The following SLC35F1 variants were observed in gnomAD, a reference collection of about 807,000 sequenced individuals.
The protein encoded by SLC35F1 is solute carrier family 35 member F1.
In SLC35F1, 14 loss-of-function variants were observed where a neutral mutation model predicts 48.7. The ratio of observed to expected loss-of-function variants is 0.29; its 90% CI spans 0.19 to 0.45. The LOEUF (loss-of-function observed/expected upper bound fraction) is 0.45, where lower values mean the gene tolerates loss of function less well. Among genes scored for constraint, SLC35F1 ranks in the 20% least tolerant of loss-of-function variants. The pLI, the probability that SLC35F1 is intolerant of heterozygous loss-of-function variation, is 1.00. For missense variants in SLC35F1, 404 were observed against 500.0 expected (o/e 0.81, Z 1.83); for synonymous variants, 190 against 202.2 (o/e 0.94, Z 0.51).
At chr6:118,143,437 C>T (rs961755717) in intron 1 of SLC35F1, among the ~76,000 whole-genome samples, 1 of 152,158 alleles carries the variant, frequency 6.6e-6, no homozygotes, top group Non-Finnish European at 1.5e-5. Context: ...AGTCAAAGTT[C>T]CTATTTAAAA....
At chr6:118,152,664 T>C (rs1774079377) in intron 1 of SLC35F1, among the ~76,000 whole-genome samples, 1 of 152,176 alleles carries the variant, frequency 6.6e-6, no homozygotes, top group South Asian at 2.1e-4. Flanking sequence ...GCTGTAGAGC[T>C]TTGTAAGGCT....
intron 1 of SLC35F1, among the ~76,000 whole-genome samples, chr6:118,129,727 C>T (rs1773682514): frequency 1.3e-5 from 2 of 152,016 alleles, no homozygotes. Flanking sequence ...GAAGTCCTTA[C>T]CTTAATTTTT....
chr6:118,238,636 A>G (rs1775398092), intron 3 of SLC35F1, among the ~76,000 whole-genome samples: 1 of 151,966 alleles, frequency 6.6e-6, no homozygotes, highest in Non-Finnish European at 1.5e-5. Flanking sequence ...TCTCATGGTC[A>G]TGAGATGGTT....
Position 117,907,678 on chromosome 6 carries a change from A to G in SLC35F1, c.-49A>G. The G allele has an allele frequency of 1.7e-6, 2 of 1,210,174 alleles. No individual in the cohort carries two copies. Among genetic ancestry groups the G allele is most frequent in the African/African-American group, 1.6e-5 (1 of 62,124 alleles). 75.0% of individuals were successfully genotyped at this position (1,210,174 alleles called of 1,614,324 possible). ...TTCCCGGGCCCGGAACCGGCACACGATGCACCCGGCTGCGTTCTGATCGCC... is the reference window on the plus strand; with the variant it reads ...TTCCCGGGCCCGGAACCGGCACACGGTGCACCCGGCTGCGTTCTGATCGCC... On this transcript the variant is annotated 5_prime_UTR_variant, in exon 1 of 8. An upstream start codon of the reference 5' UTR is lost. Coordinates refer to ENST00000360388, the MANE Select transcript of SLC35F1 (RefSeq NM_001029858.4).
intron 2 of SLC35F1, among the ~76,000 whole-genome samples, chr6:118,191,091 C>A (rs911576733): frequency 6.6e-6 from 1 of 152,118 alleles, no homozygotes; most frequent in African/African-American, 2.4e-5. Context: ...AAACACGATG[C>A]CCTTCTAGAA....
intron 1 of SLC35F1, among the ~76,000 whole-genome samples, chr6:118,010,223 C>A (rs1350985128): frequency 6.6e-6 from 1 of 152,070 alleles, no homozygotes; most frequent in African/African-American, 2.4e-5. Context: ...TATCCCAGAC[C>A]TAAGTATAAA....
chr6:118,159,317 A>G (rs1454914553), intron 2 of SLC35F1, among the ~76,000 whole-genome samples: 1 of 151,538 alleles, frequency 6.6e-6, no homozygotes, highest in Non-Finnish European at 1.5e-5. Flanking sequence ...CCACCAAAGT[A>G]GTTTTGTTGA....
At chr6:118,237,209 C>T (rs1463867970) in intron 3 of SLC35F1, among the ~76,000 whole-genome samples, 1 of 151,992 alleles carries the variant, frequency 6.6e-6, no homozygotes, top group Non-Finnish European at 1.5e-5. Context: ...CAGCATCATG[C>T]ATAAATTAGC....
rs113535019 is a variant in SLC35F1, at chr6:117,916,242, A to C, written c.173+8343A>C. On this transcript the variant is annotated intron_variant, in intron 1 of 7. Transcript: ENST00000360388. ...TATATTTTTTGTCCTAATATTTAAG[A>C]ATCGGGTCTTGTATTTTGGTTTTTG... 7.2e-3 allele frequency among the ~76,000 whole-genome samples: 1,093 copies of C among 152,314 alleles called. 15 individuals are homozygous for C. Among genetic ancestry groups the C allele is most frequent in the African/African-American group, 0.025 (1,035 of 41,556 alleles).
chr6:118,275,562 G>A lies in SLC35F1; in HGVS notation c.741G>A (p.Val247=). The change falls in exon 5 of 8, where the codon GTG becomes GTA. Residue 247 remains valine (V), a synonymous_variant. Transcript: ENST00000360388. ...EEYIIRTLSR[V]EFLGMIGLFG... is the part of the protein sequence containing the mutation. ...ACATCATCCGAACTCTGAGCCGAGTGGAATTCCTGGGAATGATTGGTCTCT... is the reference window on the plus strand; with the variant it reads ...ACATCATCCGAACTCTGAGCCGAGTAGAATTCCTGGGAATGATTGGTCTCT... 1 of 1,613,840 alleles carries A rather than the reference G, an allele frequency of 6.2e-7. No individual in the cohort carries two copies. Among genetic ancestry groups the A allele is most frequent in the Non-Finnish European group, 8.5e-7 (1 of 1,179,918 alleles).
intron 2 of SLC35F1, among the ~76,000 whole-genome samples, chr6:118,173,571 G>C (rs926941918): frequency 6.6e-6 from 1 of 152,076 alleles, no homozygotes; most frequent in Non-Finnish European, 1.5e-5. Flanking sequence ...CACACTATAC[G>C]GTAATGCAGG....
chr6:118,272,763 A>ATATATATC (rs1446783015), intron 4 of SLC35F1, among the ~76,000 whole-genome samples: 1 of 106,312 alleles, frequency 9.4e-6, no homozygotes, highest in African/African-American at 3.2e-5. Flanking sequence ...ATATATATAT[A>ATATATATC]TGTATATATA....
chr6:118,052,014 C>T (rs1449905209), intron 1 of SLC35F1, among the ~76,000 whole-genome samples: 4 of 152,000 alleles, frequency 2.6e-5, no homozygotes, highest in African/African-American at 9.7e-5. Flanking sequence ...TTATCAAGAC[C>T]CCATCATTCC....
At chr6:117,985,055 A>G (rs1410035942) in intron 1 of SLC35F1, among the ~76,000 whole-genome samples, 1 of 152,256 alleles carries the variant, frequency 6.6e-6, no homozygotes, top group African/African-American at 2.4e-5. Context: ...AATACTACAG[A>G]TCACACTTTG....
rs530093482 is a variant in SLC35F1, at chr6:118,290,432, A to T, written c.1002+5094A>T. 7.8e-4 allele frequency among the ~76,000 whole-genome samples: 119 copies of T among 152,072 alleles called. 1 individual carries two copies. The highest frequency in any genetic ancestry group is 2.7e-3 in the African/African-American group (114 of 41,516). ...CCTTCATTCTCATTGTACTTAACTGATACCACACCACTTAGCTCCTGAATA... is the reference window on the plus strand; with the variant it reads ...CCTTCATTCTCATTGTACTTAACTGTTACCACACCACTTAGCTCCTGAATA... On this transcript the variant is annotated intron_variant, in intron 7 of 7. Coordinates refer to ENST00000360388, the MANE Select transcript of SLC35F1 (RefSeq NM_001029858.4).
intron 1 of SLC35F1, among the ~76,000 whole-genome samples, chr6:118,126,336 C>T: frequency 6.6e-6 from 1 of 152,140 alleles, no homozygotes; most frequent in African/African-American, 2.4e-5. Flanking sequence ...TTCCATTTAT[C>T]TATATCTCTG....
At chr6:118,286,473 G>T (rs1472047259) in intron 7 of SLC35F1, among the ~76,000 whole-genome samples, 1 of 152,182 alleles carries the variant, frequency 6.6e-6, no homozygotes, top group Non-Finnish European at 1.5e-5. Flanking sequence ...TCATAGCCAA[G>T]AAACCGATGC....
At chr6:117,995,795 T>G (rs1472020284) in intron 1 of SLC35F1, among the ~76,000 whole-genome samples, 1 of 152,176 alleles carries the variant, frequency 6.6e-6, no homozygotes, top group Non-Finnish European at 1.5e-5. Flanking sequence ...GGCAGTCATA[T>G]TCAAAGTTCT....
intron 5 of SLC35F1, among the ~76,000 whole-genome samples, chr6:118,275,886 C>T (rs117574704): frequency 6.6e-6 from 1 of 152,280 alleles, no homozygotes; most frequent in Non-Finnish European, 1.5e-5. Context: ...GATTGATTCT[C>T]TGAAATCCAT....
Sources: gnomAD v4.1 joint callset for allele counts (sites outside exome capture counted in the v4.1 genomes callset) on GRCh38, gnomAD v4.1.1 for gene constraint, MANE v1.5 for transcripts, NCBI Gene and HGNC (gene_info 2026-07-23, HGNC 2026-07-21) for gene names.